Variants in SVOPL observed in about 807,000 individuals in gnomAD.
SVOPL encodes putative transporter SVOPL.
Under a neutral mutation model 61.0 loss-of-function variants are expected in SVOPL, and 60 were observed. The observed-to-expected ratio is 0.98, with a 90% CI of 0.80 to 1.22. The LOEUF (loss-of-function observed/expected upper bound fraction) is 1.22, where lower values mean the gene tolerates loss of function less well. SVOPL is among the 50% of genes most tolerant of loss of function. The pLI is 0.00. For missense variants in SVOPL, 662 were observed against 643.9 expected (o/e 1.03, Z -0.30); for synonymous variants, 279 against 250.0 (o/e 1.12, Z -1.09).
intron 5 of SVOPL, chr7:138,662,199 A>G: frequency 1.0e-6 from 1 of 985,478 alleles, no homozygotes; most frequent in Non-Finnish European, 1.2e-6. Flanking sequence ...CCTCTGCCTC[A>G]TAGCAGCAGG....
intron 14 of SVOPL, among the ~76,000 whole-genome samples, chr7:138,619,638 C>A (rs1365297396): frequency 7.2e-6 from 1 of 139,544 alleles, no homozygotes; most frequent in Non-Finnish European, 1.5e-5. Flanking sequence ...TTAAAAAATT[C>A]ATGATAGCAA....
In SVOPL at chr7:138,627,334, A is replaced by C. The variant is rs1246204225; in HGVS notation, c.1181+16T>G. 3 of 1,592,948 alleles carry C rather than the reference A, an allele frequency of 1.9e-6. No homozygotes were observed. The highest frequency in any genetic ancestry group is 1.7e-6 in the Non-Finnish European group (2 of 1,161,156). On this transcript the variant is annotated intron_variant, in intron 12 of 15. Transcript: ENST00000674285. ...AAACCACTGCACAAAATCTGAAGCA[A>C]TTAAACAGAAAATACCTTGAAGTGC...
intron 14 of SVOPL, among the ~76,000 whole-genome samples, chr7:138,598,473 T>C (rs940477718): frequency 6.6e-6 from 1 of 152,176 alleles, no homozygotes; most frequent in African/African-American, 2.4e-5. Context: ...AGCAATGGGA[T>C]CTAACTGACA....
At chr7:138,672,904 CAAAAAAAAA>C (rs71179720) in intron 3 of SVOPL, among the ~76,000 whole-genome samples, 15 of 103,730 alleles carry the variant, frequency 1.4e-4, no homozygotes, top group African/African-American at 4.6e-4. Context: ...GTTTGTCTCT[CAAAAAAAAA>C]AAAAAAAAAA....
At chr7:138,629,755 A>T (rs569737499) in intron 10 of SVOPL, among the ~76,000 whole-genome samples, 3 of 152,354 alleles carry the variant, frequency 2.0e-5, no homozygotes, top group South Asian at 2.1e-4. Context: ...AGTTTCTGTC[A>T]TGTGGTGAGA....
chr7:138,624,330 CT>C (rs1320172440), intron 13 of SVOPL, among the ~76,000 whole-genome samples: 1 of 152,176 alleles, frequency 6.6e-6, no homozygotes, highest in East Asian at 1.9e-4. Flanking sequence ...TATGGATATA[CT>C]GATGAAGTCT....
intron 14 of SVOPL, among the ~76,000 whole-genome samples, chr7:138,598,850 A>T (rs1798387999): frequency 6.6e-6 from 1 of 152,220 alleles, no homozygotes; most frequent in African/African-American, 2.4e-5. Context: ...TACATTAAAA[A>T]ATCTACTTCA....
chr7:138,676,499 T>C (rs1802565112), intron 3 of SVOPL, among the ~76,000 whole-genome samples: 1 of 150,470 alleles, frequency 6.6e-6, no homozygotes, highest in Admixed American at 6.6e-5. Context: ...TCCTGCTGCA[T>C]GAAGCCTCTT....
chr7:138,699,147 G>A lies in SVOPL; in HGVS notation c.-35+2031C>T, dbSNP rs984489182. On this transcript the variant is annotated intron_variant, in intron 1 of 15. Transcript: ENST00000674285. The stretch of plus-strand genomic sequence containing the variant: ...AGCCTAGGTGACAGAGTGAAACTCC[G>A]TCTCCAAAAAATTAGCTGGGTGTGG... Among the ~76,000 whole-genome samples, 8 of 151,502 alleles carry A rather than the reference G, an allele frequency of 5.3e-5. No homozygotes were observed. The East Asian group carries it at 7.8e-4, about 15-fold the overall frequency.
chr7:138,660,600 A>C, intron 5 of SVOPL: 1 of 985,426 alleles, frequency 1.0e-6, no homozygotes, highest in Non-Finnish European at 1.2e-6. Context: ...GTTGCAGTTT[A>C]AGTTGTTTCA....
chr7:138,621,888 A>G (rs1584792353), intron 13 of SVOPL, among the ~76,000 whole-genome samples: 1 of 149,068 alleles, frequency 6.7e-6, no homozygotes, highest in Non-Finnish European at 1.5e-5. Context: ...CTATCTATCT[A>G]TCTATCTATC....
chr7:138,613,549 GAAATGCTGTT>G (rs1264425345), intron 14 of SVOPL, among the ~76,000 whole-genome samples: 1 of 151,884 alleles, frequency 6.6e-6, no homozygotes, highest in Non-Finnish European at 1.5e-5. Context: ...CATTCTACTT[GAAATGCTGTT>G]TCCCTTTACA....
intron 1 of SVOPL, among the ~76,000 whole-genome samples, chr7:138,680,822 G>A (rs560967723): frequency 1.3e-5 from 2 of 152,154 alleles, no homozygotes; most frequent in African/African-American, 4.8e-5. Flanking sequence ...TTGTGAATCC[G>A]CCCGCATCGG....
rs1336964686 is a variant in SVOPL, at chr7:138,696,536, C to T, written c.-35+4642G>A. ...CTCCTGAGTTCAAGTGATTCTCCTGCCTCAGCCTCCCAAGTAGCTGGCATT... is the reference window on the plus strand; with the variant it reads ...CTCCTGAGTTCAAGTGATTCTCCTGTCTCAGCCTCCCAAGTAGCTGGCATT... On this transcript the variant is annotated intron_variant, in intron 1 of 15. Transcript: ENST00000674285. Among the ~76,000 whole-genome samples the T allele has an allele frequency of 3.9e-5, 6 of 152,076 alleles. No individual in the cohort carries two copies. In the South Asian group the frequency reaches 8.3e-4, roughly 21 times the overall value.
Position 138,630,179 on chromosome 7 carries a change from G to A in SVOPL, c.790-57C>T, listed in dbSNP as rs375129976. On this transcript the variant is annotated intron_variant, in intron 9 of 15. Transcript: ENST00000674285. Reference sequence around the variant, plus strand: ...CAGCAGCTTAAGGATGAACGGAGATGTTTCCACTGTTTTCGATCATAGAAG... The same window carrying A: ...CAGCAGCTTAAGGATGAACGGAGATATTTCCACTGTTTTCGATCATAGAAG... The A allele has an allele frequency of 3.5e-5, 49 of 1,398,282 alleles. No homozygotes were observed. The African/African-American group carries it at 5.7e-4, about 16-fold the overall frequency. 86.6% of individuals were successfully genotyped at this position (1,398,282 alleles called of 1,614,324 possible).
At chr7:138,671,496 C>CA (rs926944733) in intron 4 of SVOPL, among the ~76,000 whole-genome samples, 17 of 152,016 alleles carry the variant, frequency 1.1e-4, no homozygotes, top group Non-Finnish European at 1.5e-4. Context: ...TATAGGCACC[C>CA]ACCACCACAT....
chr7:138,676,742 A>C (rs1802570689), intron 3 of SVOPL, among the ~76,000 whole-genome samples: 1 of 152,180 alleles, frequency 6.6e-6, no homozygotes, highest in Non-Finnish European at 1.5e-5. Context: ...ATAATACCAT[A>C]GTTTTCTCCA....
chr7:138,649,995 C>T (rs973378564), intron 7 of SVOPL, among the ~76,000 whole-genome samples: 1 of 152,010 alleles, frequency 6.6e-6, no homozygotes, highest in Non-Finnish European at 1.5e-5. Flanking sequence ...CCACACCCAG[C>T]TAATTTTTGT....
intron 12 of SVOPL, among the ~76,000 whole-genome samples, chr7:138,626,801 G>A (rs1287764233): frequency 2.6e-5 from 4 of 151,710 alleles, no homozygotes; most frequent in Admixed American, 6.6e-5. Context: ...AGCTGAGATC[G>A]CACCACTGCA....
Sources: gnomAD v4.1 joint callset for allele counts (sites outside exome capture counted in the v4.1 genomes callset) on GRCh38, gnomAD v4.1.1 for gene constraint, MANE v1.5 for transcripts, NCBI Gene and HGNC (gene_info 2026-07-23, HGNC 2026-07-21) for gene names.